The following FIP1L1 variants were observed in gnomAD, a reference collection of about 807,000 sequenced individuals.
The protein encoded by FIP1L1 is factor interacting with PAPOLA and CPSF1, also known as pre-mRNA 3'-end-processing factor FIP1.
FIP1L1 carries 21 observed loss-of-function variants against 84.6 expected under a neutral mutation model. The ratio of observed to expected loss-of-function variants is 0.25; its 90% CI spans 0.18 to 0.36. The LOEUF (loss-of-function observed/expected upper bound fraction) is 0.36. Among genes scored for constraint, FIP1L1 ranks in the 10% least tolerant of loss-of-function variants. FIP1L1 has a pLI of 1.00. For synonymous variants in FIP1L1, 263 were observed against 242.3 expected (o/e 1.09, Z -0.80); for missense variants, 526 against 751.1 (o/e 0.70, Z 3.50).
chr4:53,428,938 A>T (rs977358461), intron 13 of FIP1L1, among the ~76,000 whole-genome samples: 4 of 152,216 alleles, frequency 2.6e-5, no homozygotes, highest in African/African-American at 9.6e-5. Flanking sequence ...CATCAGGGCA[A>T]CATGAAAGAC....
chr4:53,446,001 G>A (rs747353253), intron 15 of FIP1L1, among the ~76,000 whole-genome samples: 1 of 152,104 alleles, frequency 6.6e-6, no homozygotes, highest in Non-Finnish European at 1.5e-5. Flanking sequence ...GACTCCGAAG[G>A]ATTTATTTGA....
intron 10 of FIP1L1, among the ~76,000 whole-genome samples, chr4:53,409,436 G>C (rs1367881497): frequency 6.6e-6 from 1 of 152,188 alleles, no homozygotes; most frequent in East Asian, 1.9e-4. Flanking sequence ...AGACTGCTCG[G>C]GGGTCAAGGG....
chr4:53,459,699 T>TAACA lies in FIP1L1; in HGVS notation c.*251_*254dup. ...AAGAAAGGAATGTGAATGAGTCACTTAACAGGGAATCTAAAGAGCTGTGTT... is the reference window on the plus strand; with the variant it reads ...AAGAAAGGAATGTGAATGAGTCACTTAACAAACAGGGAATCTAAAGAGCTGTGTT... On this transcript the variant is annotated 3_prime_UTR_variant, in exon 18 of 18. Transcript: ENST00000337488. 2.0e-6 allele frequency: 1 copy of TAACA among 506,724 alleles called. No individual in the cohort carries two copies. The highest frequency in any genetic ancestry group is 3.5e-6 in the Non-Finnish European group (1 of 282,122). 31.4% of individuals were successfully genotyped at this position (506,724 alleles called of 1,614,324 possible).
chr4:53,405,884 C>T (rs1486316419), intron 10 of FIP1L1, among the ~76,000 whole-genome samples: 1 of 151,872 alleles, frequency 6.6e-6, no homozygotes, highest in Non-Finnish European at 1.5e-5. Context: ...GCTGAAGTTG[C>T]TTATCAACTT....
At chr4:53,428,786 G>A (rs767445355) in intron 13 of FIP1L1, among the ~76,000 whole-genome samples, 10 of 151,940 alleles carry the variant, frequency 6.6e-5, no homozygotes, top group East Asian at 1.9e-4. Context: ...ATTTTTCATC[G>A]GGTTGCCTTT....
intron 16 of FIP1L1, 74 bp from the exon 17 acceptor site, chr4:53,458,579 A>G: frequency 1.3e-6 from 2 of 1,489,338 alleles, no homozygotes; most frequent in Non-Finnish European, 1.8e-6. Context: ...TGCAGATCAC[A>G]TCTCTTTTAC....
intron 1 of FIP1L1, chr4:53,378,200 C>A (rs1735721339): frequency 2.9e-6 from 1 of 343,846 alleles, no homozygotes; most frequent in Non-Finnish European, 5.2e-6. Context: ...CTGTGCTTTC[C>A]CCGAGGCGTC....
chr4:53,439,381 T>C (rs866359980), intron 13 of FIP1L1, among the ~76,000 whole-genome samples: 5 of 152,094 alleles, frequency 3.3e-5, no homozygotes, highest in South Asian at 2.1e-4. Flanking sequence ...ATGTTTTTAT[T>C]GTATGGGTGG....
chr4:53,378,363 GT>G (rs1735855105), intron 1 of FIP1L1: 1 of 156,366 alleles, frequency 6.4e-6, no homozygotes, highest in Admixed American at 6.5e-5. Flanking sequence ...GCTAAATAAA[GT>G]TAATGCTGTA....
Position 53,399,829 on chromosome 4 carries a change from C to A in FIP1L1, c.805C>A (p.Pro269Thr). Residue 269 changes from proline (P) to threonine (T), a missense_variant, in exon 10 of 18, where the codon CCA (proline) becomes ACA (threonine). Physicochemically the swap from Pro to Thr is conservative, Grantham distance 38. Around this residue, in one of 6 missense-constraint regions of FIP1L1, gnomAD observed 169 missense variants for 206.9 expected, o/e 0.82. Coordinates refer to ENST00000337488, the MANE Select transcript of FIP1L1 (RefSeq NM_030917.4). Reference protein sequence around the residue: ...SPPSLFKTGLPPSRNSTSSQS... With the variant: ...SPPSLFKTGLTPSRNSTSSQS... ...TCCTTCTTTGTTCAAGACTGGGCTT[C>A]CACCGAGCAGGTTAGTTACATAGTT... 6.2e-7 allele frequency: 1 copy of A among 1,609,764 alleles called. No homozygotes were observed. Among genetic ancestry groups the A allele is most frequent in the Non-Finnish European group, 8.5e-7 (1 of 1,176,452 alleles).
intron 10 of FIP1L1, among the ~76,000 whole-genome samples, chr4:53,404,939 T>G (rs1278420782): frequency 1.3e-5 from 2 of 151,190 alleles, no homozygotes; most frequent in African/African-American, 4.8e-5. Context: ...TTGCGAAAAT[T>G]TTCTCCCATT....
intron 13 of FIP1L1, among the ~76,000 whole-genome samples, chr4:53,436,265 A>G (rs1195791514): frequency 6.6e-6 from 1 of 152,176 alleles, no homozygotes; most frequent in Non-Finnish European, 1.5e-5. Context: ...GCTTAGCTGG[A>G]TCCTCTGCTT....
chr4:53,401,169 G>A (rs1486664424), intron 10 of FIP1L1, among the ~76,000 whole-genome samples: 1 of 152,130 alleles, frequency 6.6e-6, no homozygotes, highest in African/African-American at 2.4e-5. Context: ...GAACAGTGCT[G>A]GTACCTAGAA....
Position 53,459,247 on chromosome 4 carries a change from T to C in FIP1L1, c.1638-55T>C, listed in dbSNP as rs59576732. The C allele has an allele frequency of 1.0e-3, 1,342 of 1,287,618 alleles. 15 individuals carry two copies. The African/African-American group carries it at 0.018, about 17-fold the overall frequency. The allele number at this position is 1,287,618 out of a possible 1,614,324, so 79.8% of individuals were successfully genotyped here. Reference sequence around the variant, plus strand: ...TTTCCTTAGAGTGATTGGATTTTTGTCACTGATTGTGTATTTAAACAGAAC... The same window carrying C: ...TTTCCTTAGAGTGATTGGATTTTTGCCACTGATTGTGTATTTAAACAGAAC... On this transcript the variant is annotated intron_variant, in intron 17 of 17. Transcript: ENST00000337488.
chr4:53,398,133 G>T (rs1377768227), intron 9 of FIP1L1, among the ~76,000 whole-genome samples: 1 of 151,994 alleles, frequency 6.6e-6, no homozygotes, highest in Non-Finnish European at 1.5e-5. Flanking sequence ...CCAGGATCCT[G>T]TTGTGTTTCT....
At chr4:53,394,890 T>A (rs1241376520) in intron 9 of FIP1L1, among the ~76,000 whole-genome samples, 1 of 152,182 alleles carries the variant, frequency 6.6e-6, no homozygotes, top group African/African-American at 2.4e-5. Context: ...AGATATTGTT[T>A]GTAAAGTTAA....
intron 5 of FIP1L1, among the ~76,000 whole-genome samples, chr4:53,386,695 T>A (rs1741270724): frequency 6.6e-6 from 1 of 152,152 alleles, no homozygotes; most frequent in Non-Finnish European, 1.5e-5. Context: ...AGGAAGTACA[T>A]GGCTGGAGGA....
At chr4:53,409,516 C>T (rs1259205696) in intron 10 of FIP1L1, among the ~76,000 whole-genome samples, 1 of 152,212 alleles carries the variant, frequency 6.6e-6, no homozygotes, top group Non-Finnish European at 1.5e-5. Context: ...AGAACCACTG[C>T]TCTCTTCAAA....
chr4:53,455,154 T>A (rs923895466), intron 16 of FIP1L1, among the ~76,000 whole-genome samples: 2 of 152,202 alleles, frequency 1.3e-5, no homozygotes, highest in Non-Finnish European at 2.9e-5. Context: ...GAATGTTGTG[T>A]GGCTGGTTTG....
Sources: allele counts gnomAD v4.1 joint callset (sites outside exome capture counted in the v4.1 genomes callset), GRCh38; gene constraint gnomAD v4.1.1; regional missense constraint gnomAD v4.1.1; transcripts MANE v1.5; gene names NCBI Gene and HGNC (gene_info 2026-07-23, HGNC 2026-07-21).